The following GSE1 variants were observed in gnomAD, a reference collection of about 807,000 sequenced individuals.
GSE1 encodes Gse1 coiled-coil protein, also known as genetic suppressor element 1.
In GSE1, 32 loss-of-function variants were observed where a neutral mutation model predicts 112.6. That is an observed-to-expected ratio of 0.28 (90% CI 0.21 to 0.38). GSE1 has a LOEUF of 0.38. Ranked by LOEUF, GSE1 falls within the 10% of genes least tolerant of loss-of-function variation. The pLI is 1.00. For missense variants in GSE1, 2,348 were observed against 1,699.2 expected (o/e 1.38, Z -6.71); for synonymous variants, 1,115 against 735.6 (o/e 1.52, Z -8.35).
chr16:85,657,213 G>A, intron 7 of GSE1, 64 bp from the exon 8 acceptor site: 1 of 1,148,214 alleles, frequency 8.7e-7, no homozygotes, highest in Non-Finnish European at 1.2e-6. Context: ...GGTGAGAGAG[G>A]ACGGGGAGGG....
chr16:85,238,890 G>A (rs1488952393), intron 1 of GSE1, among the ~76,000 whole-genome samples: 1 of 152,102 alleles, frequency 6.6e-6, no homozygotes, highest in African/African-American at 2.4e-5. Flanking sequence ...TAGACCTGCT[G>A]ACGCCACCTG....
intron 1 of GSE1, among the ~76,000 whole-genome samples, chr16:85,620,357 T>G (rs1019679811): frequency 1.3e-5 from 2 of 152,268 alleles, no homozygotes; most frequent in African/African-American, 4.8e-5. Context: ...TTCTTCCAAC[T>G]GAATTCCCAG....
At chr16:85,329,569 G>A (rs1375928067) in intron 1 of GSE1, among the ~76,000 whole-genome samples, 1 of 151,956 alleles carries the variant, frequency 6.6e-6, no homozygotes, top group East Asian at 2.0e-4. Flanking sequence ...GCTCAGAGGC[G>A]CTCAGCAACA....
intron 2 of GSE1, among the ~76,000 whole-genome samples, chr16:85,408,874 C>T: frequency 3.9e-5 from 1 of 25,614 alleles, no homozygotes. Context: ...CACTGTTACA[C>T]TCAGGCCCCC....
At chr16:85,171,478 C>T (rs2074358024) in exon 1 of GSE1, 1 of 985,650 alleles carries the variant, frequency 1.0e-6, no homozygotes, top group Non-Finnish European at 1.2e-6. Flanking sequence ...GCTCTGCTAC[C>T]ATGACCTGCT....
At chr16:85,493,182 C>T (rs1352455536) in intron 2 of GSE1, among the ~76,000 whole-genome samples, 1 of 152,208 alleles carries the variant, frequency 6.6e-6, no homozygotes, top group Non-Finnish European at 1.5e-5. Context: ...ATTCCCATTG[C>T]ACCTGGCTTG....
intron 1 of GSE1, among the ~76,000 whole-genome samples, chr16:85,187,304 C>T (rs1031344298): frequency 3.3e-5 from 5 of 152,344 alleles, no homozygotes; most frequent in East Asian, 3.9e-4. Context: ...CCCCGCAGCT[C>T]GGGAGCCTTG....
At chr16:85,355,743 A>G (rs965630208) in intron 1 of GSE1, among the ~76,000 whole-genome samples, 18 of 152,332 alleles carry the variant, frequency 1.2e-4, no homozygotes, top group African/African-American at 4.3e-4. Flanking sequence ...AAAAGTGGCC[A>G]GGTGCAGGGG....
Position 85,560,458 on chromosome 16 carries a change from T to C in GSE1, c.37+4095T>C, listed in dbSNP as rs74655468. Among the ~76,000 whole-genome samples the C allele has an allele frequency of 5.1e-3, 783 of 152,272 alleles. 8 individuals are homozygous for C. Among genetic ancestry groups the C allele is most frequent in the African/African-American group, 0.018 (743 of 41,554 alleles). ...GCTTCTTAGTGGGGACCTGAACTCT[T>C]GTCTTTGGACCAGGCCTCTTGCCGC... On this transcript the variant is annotated intron_variant, in intron 1 of 2. Coordinates refer to the GSE1 transcript ENST00000635906.
chr16:85,483,733 C>T (rs1048467533), intron 2 of GSE1, among the ~76,000 whole-genome samples: 8 of 152,392 alleles, frequency 5.2e-5, no homozygotes, highest in South Asian at 2.1e-4. Context: ...AGCCCGTCCC[C>T]GTGTAAACCT....
upstream of GSE1, chr16:85,555,289 CCTT>C (rs2045145013): frequency 3.7e-5 from 36 of 985,348 alleles, no homozygotes; most frequent in Non-Finnish European, 4.2e-5. Context: ...CCTCCTGCCT[CCTT>C]CTGCCCAGGC....
intron 2 of GSE1, among the ~76,000 whole-genome samples, chr16:85,361,197 C>A (rs184988153): frequency 5.0e-5 from 7 of 141,136 alleles, no homozygotes; most frequent in South Asian, 2.4e-4. Context: ...CACAGACCCC[C>A]CACACACAAA....
intron 2 of GSE1, among the ~76,000 whole-genome samples, chr16:85,414,021 C>T (rs2048647458): frequency 6.6e-6 from 1 of 152,246 alleles, no homozygotes; most frequent in Admixed American, 6.5e-5. Context: ...GAGGCCTCCC[C>T]AGCCATGCAG....
chr16:85,426,855 C>T (rs2049006586), intron 2 of GSE1, among the ~76,000 whole-genome samples: 2 of 152,274 alleles, frequency 1.3e-5, no homozygotes, highest in Middle Eastern at 3.4e-3. Context: ...CTCATGCATC[C>T]TCATCTTTTA....
chr16:85,660,672 C>T (rs1346704221), intron 8 of GSE1, among the ~76,000 whole-genome samples: 2 of 151,934 alleles, frequency 1.3e-5, no homozygotes, highest in Non-Finnish European at 2.9e-5. Context: ...GCTCTGTCGC[C>T]TAGGCTGGAG....
chr16:85,225,092 C>A (rs1445347556), intron 1 of GSE1, among the ~76,000 whole-genome samples: 1 of 152,034 alleles, frequency 6.6e-6, no homozygotes, highest in Non-Finnish European at 1.5e-5. Context: ...GATCGCGCCT[C>A]CAGCCTGGGT....
intron 1 of GSE1, among the ~76,000 whole-genome samples, chr16:85,246,673 C>G (rs1333306389): frequency 2.0e-5 from 3 of 152,024 alleles, no homozygotes; most frequent in Non-Finnish European, 1.5e-5. Context: ...ACCAGGCCCA[C>G]CCCACTCCCA....
intron 2 of GSE1, among the ~76,000 whole-genome samples, chr16:85,516,668 G>A (rs1308889378): frequency 3.3e-5 from 5 of 151,940 alleles, no homozygotes; most frequent in Middle Eastern, 3.4e-3. Flanking sequence ...CCAGGAGGTG[G>A]GCTGGATTCT....
chr16:85,380,557 C>G (rs2047524011), intron 2 of GSE1, among the ~76,000 whole-genome samples: 1 of 138,640 alleles, frequency 7.2e-6, no homozygotes, highest in African/African-American at 3.5e-5. Context: ...CAACACTGCC[C>G]GCCGGGGGAG....
Sources: allele counts gnomAD v4.1 joint callset (sites outside exome capture counted in the v4.1 genomes callset), GRCh38; gene constraint gnomAD v4.1.1; transcripts MANE v1.5; gene names NCBI Gene and HGNC (gene_info 2026-07-23, HGNC 2026-07-21).